The following PABPC4 variants were observed in gnomAD, a reference collection of about 807,000 sequenced individuals.
PABPC4 encodes the protein polyadenylate-binding protein 4.
Under a neutral mutation model 74.5 loss-of-function variants are expected in PABPC4, and 15 were observed. The observed-to-expected ratio is 0.20, with a 90% CI of 0.13 to 0.31. The LOEUF (loss-of-function observed/expected upper bound fraction) is 0.31. PABPC4 is among the 10% of genes least tolerant of loss of function. The pLI, the probability that PABPC4 is intolerant of heterozygous loss-of-function variation, is 1.00. For synonymous variants in PABPC4, 345 were observed against 303.0 expected (o/e 1.14, Z -1.44); for missense variants, 610 against 853.5 (o/e 0.71, Z 3.55).
chr1:39,570,224 C>G (rs965623914), intron 3 of PABPC4, among the ~76,000 whole-genome samples: 1 of 152,188 alleles, frequency 6.6e-6, no homozygotes, highest in Admixed American at 6.5e-5. Flanking sequence ...TAGACCAGGG[C>G]TATTCCTACC....
rs750482993 is a variant in PABPC4 at position 39,564,787 on chromosome 1, G to A, written c.1246-14C>T. ...CCTTCCCTGAGCCTGTAAGACAGAA[G>A]AATACCCAAACACCCCCTTAAGGAC... is the stretch of plus-strand genomic sequence containing the variant. On this transcript the variant is annotated splice_polypyrimidine_tract_variant and intron_variant, in intron 8 of 15. Coordinates refer to ENST00000372858, the MANE Select transcript of PABPC4 (RefSeq NM_001135653.2). 5 of 1,601,812 alleles carry A rather than the reference G, an allele frequency of 3.1e-6. No individual in the cohort carries two copies. Among genetic ancestry groups the A allele is most frequent in the Non-Finnish European group, 4.3e-6 (5 of 1,168,854 alleles).
At chr1:39,575,548 C>T (rs1332771682) in intron 1 of PABPC4, among the ~76,000 whole-genome samples, 1 of 152,176 alleles carries the variant, frequency 6.6e-6, no homozygotes, top group African/African-American at 2.4e-5. Flanking sequence ...ATAAGTAGCC[C>T]AAGGTCACCC....
chr1:39,568,128 G>A (rs1318869530), intron 6 of PABPC4: 2 of 274,176 alleles, frequency 7.3e-6, no homozygotes, highest in Admixed American at 1.0e-4. Flanking sequence ...ATGGTGGCGG[G>A]TGCCTGTAGT....
rs556863401 is a variant in PABPC4 at position 39,575,621 on chromosome 1, A to C, written c.193+138T>G. On this transcript the variant is annotated intron_variant, in intron 1 of 15. Coordinates refer to ENST00000372858, the MANE Select transcript of PABPC4 (RefSeq NM_001135653.2). ...CATCTGATGCCAGGTCCGCGTTCTCAATCTCCGCACCCTGCTCCCAGCTTC... is the reference window on the plus strand; with the variant it reads ...CATCTGATGCCAGGTCCGCGTTCTCCATCTCCGCACCCTGCTCCCAGCTTC... 7.7e-5 allele frequency: 50 copies of C among 646,716 alleles called. No individual in the cohort carries two copies. The African/African-American group carries it at 8.0e-4, about 10-fold the overall frequency. The allele number at this position is 646,716 out of a possible 1,614,324, so 40.1% of individuals were successfully genotyped here.
intron 7 of PABPC4, chr1:39,567,310 G>A (rs1645862160): frequency 4.2e-6 from 2 of 475,006 alleles, no homozygotes; most frequent in South Asian, 3.0e-5. Flanking sequence ...CTCTTTTTAA[G>A]ACCAGGGTAG....
chr1:39,573,483 C>A (rs1645971981), intron 1 of PABPC4, among the ~76,000 whole-genome samples: 1 of 152,176 alleles, frequency 6.6e-6, no homozygotes, highest in South Asian at 2.1e-4. Flanking sequence ...GCTTCCTTAG[C>A]TTCCCAACCA....
chr1:39,574,055 G>A (rs375827745), intron 1 of PABPC4, among the ~76,000 whole-genome samples: 2 of 152,118 alleles, frequency 1.3e-5, no homozygotes, highest in African/African-American at 4.8e-5. Context: ...TCACTTAAAG[G>A]GGGGACAAAA....
At position 39,562,476 on chromosome 1, in the gene PABPC4, TG is replaced by T. The variant is rs1195978236; in HGVS notation, c.1669-61del. ...GGAAAGGACAACACCTGATGGTGGT[TG>T]AGTGCCTGTTCAATATCTGAACATC... On this transcript the variant is annotated intron_variant, in intron 12 of 15. Transcript: ENST00000372858. The T allele has an allele frequency of 3.3e-6, 4 of 1,227,380 alleles. No homozygotes were observed. In the African/African-American group the frequency reaches 6.0e-5, roughly 18 times the overall value. 76.0% of individuals were successfully genotyped at this position (1,227,380 alleles called of 1,614,324 possible).
chr1:39,561,559 C>CT, intron 15 of PABPC4, 126 bp downstream of exon 15: 1 of 670,574 alleles, frequency 1.5e-6, no homozygotes, highest in Non-Finnish European at 2.6e-6. Context: ...CTCCGTGTAA[C>CT]TAACTGTACT....
Position 39,576,086 on chromosome 1 carries a change from G to A in PABPC4, c.-135C>T. The A allele has an allele frequency of 1.2e-5, 7 of 589,232 alleles. No individual in the cohort carries two copies. The highest frequency in any genetic ancestry group is 9.2e-5 in the South Asian group (4 of 43,426). The allele number at this position is 589,232 out of a possible 1,614,324, so 36.5% of individuals were successfully genotyped here. A position where few individuals can be genotyped will look rare whatever the true frequency, so the allele number is the denominator to read the frequency against. On this transcript the variant is annotated 5_prime_UTR_variant, in exon 1 of 16. Coordinates refer to ENST00000372858, the MANE Select transcript of PABPC4 (RefSeq NM_001135653.2). ...GCACCGGCGCGGCGAGGACGAGCTG[G>A]AGTCGGCGGGCTTGGAGACGGGACG...
At chr1:39,573,897 C>T (rs1645977633) in intron 1 of PABPC4, among the ~76,000 whole-genome samples, 1 of 152,174 alleles carries the variant, frequency 6.6e-6, no homozygotes, top group Non-Finnish European at 1.5e-5. Flanking sequence ...CATCACTAAT[C>T]GCAACAAGGA....
intron 7 of PABPC4, among the ~76,000 whole-genome samples, chr1:39,566,461 G>A (rs990162747): frequency 3.3e-5 from 5 of 152,170 alleles, no homozygotes; most frequent in African/African-American, 1.2e-4. Flanking sequence ...CAAAACCACA[G>A]GTCTACTGGT....
chr1:39,561,149 A>G (rs892840727), intron 15 of PABPC4, 27 bp from the exon 16 acceptor site: 5 of 470,614 alleles, frequency 1.1e-5, no homozygotes, highest in African/African-American at 1.0e-4. Context: ...CAACACAAAT[A>G]AATGCATAAT....
rs1215239881 is a variant in PABPC4 at position 39,569,015 on chromosome 1, AT to A, written c.739-77del. On this transcript the variant is annotated intron_variant, in intron 5 of 15. Coordinates refer to ENST00000372858, the MANE Select transcript of PABPC4 (RefSeq NM_001135653.2). The stretch of plus-strand genomic sequence containing the variant: ...ATTCTGGAGGTCTAAGTCCCAAAAA[AT>A]ATTCTTTCTACTATAGGACTAAAAA... 70 of 1,499,566 alleles carry A rather than the reference AT, an allele frequency of 4.7e-5. 4 individuals are homozygous for A. In the South Asian group the frequency reaches 7.9e-4, roughly 17 times the overall value. The allele number at this position is 1,499,566 out of a possible 1,614,324, so 92.9% of individuals were successfully genotyped here. A position where few individuals can be genotyped will look rare whatever the true frequency, so the allele number is the denominator to read the frequency against.
At chr1:39,562,449 G>C (rs773710999) in intron 12 of PABPC4, 33 bp from the exon 13 acceptor site, 8 of 1,516,126 alleles carry the variant, frequency 5.3e-6, no homozygotes, top group Admixed American at 3.4e-5. Context: ...GGTTAGCACT[G>C]AGGAAAGGAC....
chr1:39,564,285 C>T (rs1645803211), intron 10 of PABPC4, 138 bp downstream of exon 10: 1 of 968,442 alleles, frequency 1.0e-6, no homozygotes, highest in South Asian at 1.7e-5. Flanking sequence ...CCTGAAGTGG[C>T]CACCTAAGCA....
At position 39,560,908 on chromosome 1, in the gene PABPC4, TA is replaced by T. The variant is rs371224011; in HGVS notation, c.*227del. 4.3e-4 allele frequency: 84 copies of T among 194,322 alleles called. No homozygotes were observed. The highest frequency in any genetic ancestry group is 2.3e-3 in the Middle Eastern group (1 of 442). The allele number at this position is 194,322 out of a possible 1,614,324, so 12.0% of individuals were successfully genotyped here. On this transcript the variant is annotated 3_prime_UTR_variant, in exon 16 of 16. Transcript: ENST00000372858. ...TGGGGGAAAAAATCAAAACCCACAA[TA>T]AAAAAAAAGTTAACACTGTCTGGGC... is the stretch of plus-strand genomic sequence containing the variant.
intron 1 of PABPC4, 153 bp from the exon 2 acceptor site, chr1:39,572,739 C>T: frequency 1.8e-6 from 1 of 568,524 alleles, no homozygotes. Flanking sequence ...TTCCTCCAGC[C>T]TGCACTGTTA....
rs372878066 is a variant in PABPC4 at position 39,564,379 on chromosome 1, C to T, written c.1453+44G>A. 2.5e-6 allele frequency: 4 copies of T among 1,603,476 alleles called. No homozygotes were observed. In the African/African-American group the frequency reaches 5.4e-5, roughly 21 times the overall value. ...CCAGGACAGAGCCTAGTCATCCTGA[C>T]TCCCTCCTCCCCAGGCCACACTTCT... is the stretch of plus-strand genomic sequence containing the variant. On this transcript the variant is annotated intron_variant, in intron 10 of 15. Coordinates refer to ENST00000372858, the MANE Select transcript of PABPC4 (RefSeq NM_001135653.2).
Sources: allele counts gnomAD v4.1 joint callset (sites outside exome capture counted in the v4.1 genomes callset), GRCh38; gene constraint gnomAD v4.1.1; transcripts MANE v1.5; gene names NCBI Gene and HGNC (gene_info 2026-07-23, HGNC 2026-07-21).